CSNK1G2: variants seen among roughly 807,000 people sequenced by gnomAD.
CSNK1G2 encodes casein kinase I isoform gamma-2.
Under a neutral mutation model 48.0 loss-of-function variants are expected in CSNK1G2, and 11 were observed. The observed-to-expected ratio is 0.23, with a 90% CI of 0.14 to 0.38. CSNK1G2 has a LOEUF of 0.38. Ranked by LOEUF, CSNK1G2 falls within the 10% of genes least tolerant of loss-of-function variation. The pLI, the probability that CSNK1G2 is intolerant of heterozygous loss-of-function variation, is 1.00. For missense variants in CSNK1G2, 446 were observed against 595.5 expected, an observed-to-expected ratio of 0.75 and a Z score of 2.61; for synonymous variants, 337 against 254.1, an observed-to-expected ratio of 1.33 and a Z score of -3.10.
chr19:1,972,768 G>A (rs1033122693), intron 2 of CSNK1G2, among the ~76,000 whole-genome samples: 3 of 151,950 alleles, frequency 2.0e-5, no homozygotes, highest in Non-Finnish European at 2.9e-5. Context: ...GATTACAGGC[G>A]TGAGCCACCA....
At chr19:1,943,115 A>G (rs140388319) in intron 1 of CSNK1G2, among the ~76,000 whole-genome samples, 25 of 152,280 alleles carry the variant, frequency 1.6e-4, no homozygotes, top group African/African-American at 5.8e-4. Context: ...GAGGCCAACC[A>G]TGTGTCCTGC....
chr19:1,955,240 C>T (rs1379619240), intron 1 of CSNK1G2, among the ~76,000 whole-genome samples: 1 of 152,116 alleles, frequency 6.6e-6, no homozygotes, highest in Non-Finnish European at 1.5e-5. Flanking sequence ...TGGGCACCCG[C>T]CCTGTGCCCA....
chr19:1,980,443 A>G lies in CSNK1G2; in HGVS notation c.*240A>G, dbSNP rs1474169846. Reference sequence around the variant, plus strand: ...CCTGTGTCTAGTCCTCCCCTCCAAGAGCATTAACTATTTAAAACAAGGAAA... The same window carrying G: ...CCTGTGTCTAGTCCTCCCCTCCAAGGGCATTAACTATTTAAAACAAGGAAA... On this transcript the variant is annotated 3_prime_UTR_variant, in exon 12 of 12. Transcript: ENST00000255641. The G allele has an allele frequency of 5.2e-6, 3 of 581,110 alleles. No individual in the cohort carries two copies. The highest frequency in any genetic ancestry group is 9.2e-6 in the Non-Finnish European group (3 of 325,714). The allele number at this position is 581,110 out of a possible 1,614,324, so 36.0% of individuals were successfully genotyped here.
In CSNK1G2 at chr19:1,969,713, G is replaced by C. The variant is rs1382736721; in HGVS notation, c.-60G>C. On this transcript the variant is annotated 5_prime_UTR_variant, in exon 2 of 12. Transcript: ENST00000255641. Reference sequence around the variant, plus strand: ...GAGGAGCCAAGACCTCAGGTTTCCAGAGACTTGGGATTTGCACGGCAGCAG... The same window carrying C: ...GAGGAGCCAAGACCTCAGGTTTCCACAGACTTGGGATTTGCACGGCAGCAG... The C allele has an allele frequency of 8.1e-7, 1 of 1,232,576 alleles. No individual in the cohort carries two copies. Among genetic ancestry groups the C allele is most frequent in the African/African-American group, 1.6e-5 (1 of 64,328 alleles). The allele number at this position is 1,232,576 out of a possible 1,614,324, so 76.4% of individuals were successfully genotyped here. A position where few individuals can be genotyped will look rare whatever the true frequency, so the allele number is the denominator to read the frequency against.
At chr19:1,977,358 G>A (rs2015793984) in intron 2 of CSNK1G2, among the ~76,000 whole-genome samples, 1 of 152,210 alleles carries the variant, frequency 6.6e-6, no homozygotes. Context: ...CACAGTGGGT[G>A]GGGCCGTGCC....
intron 1 of CSNK1G2, among the ~76,000 whole-genome samples, chr19:1,961,224 C>A (rs1246001259): frequency 1.3e-5 from 2 of 152,336 alleles, no homozygotes; most frequent in East Asian, 3.9e-4. Context: ...GGGGGCTGTT[C>A]CCGTGGCTCT....
Position 1,941,395 on chromosome 19 carries a change from G to C in CSNK1G2, c.-289G>C, listed in dbSNP as rs1281435699. ...GGCCGGCCGCCCAGACGCTGCCCGC[G>C]GGCCCGGCCACGGCGGAGCCAAGGT... is the stretch of plus-strand genomic sequence containing the variant. On this transcript the variant is annotated 5_prime_UTR_variant, in exon 1 of 12. Transcript: ENST00000255641. 2 of 148,740 alleles carry C rather than the reference G, an allele frequency of 1.3e-5. No homozygotes were observed. The highest frequency in any genetic ancestry group is 3.0e-5 in the Non-Finnish European group (2 of 66,626). 9.2% of individuals were successfully genotyped at this position (148,740 alleles called of 1,614,324 possible). A position where few individuals can be genotyped will look rare whatever the true frequency, so the allele number is the denominator to read the frequency against.
rs758494493 is a variant in CSNK1G2, at chr19:1,980,362, A to AC, written c.*164dup. 19 of 840,530 alleles carry AC rather than the reference A, an allele frequency of 2.3e-5. No homozygotes were observed. The highest frequency in any genetic ancestry group is 4.5e-5 in the South Asian group (3 of 66,640). The allele number at this position is 840,530 out of a possible 1,614,324, so 52.1% of individuals were successfully genotyped here. On this transcript the variant is annotated 3_prime_UTR_variant, in exon 12 of 12. Coordinates refer to ENST00000255641, the MANE Select transcript of CSNK1G2 (RefSeq NM_001319.7). Reference sequence around the variant, plus strand: ...GGCCGCGCCTGGCTCAGGCGGCCCCACCCCCGGGACGTGGGGTCACTTCCT... The same window carrying AC: ...GGCCGCGCCTGGCTCAGGCGGCCCCACCCCCCGGGACGTGGGGTCACTTCCT...
intron 1 of CSNK1G2, chr19:1,953,513 T>A (rs1310635736): frequency 1.9e-6 from 1 of 531,856 alleles, no homozygotes; most frequent in Non-Finnish European, 3.9e-6. Flanking sequence ...TAATCTGAAT[T>A]TTGGGAAAAT....
At chr19:1,956,258 C>T (rs903784152) in intron 1 of CSNK1G2, among the ~76,000 whole-genome samples, 3 of 152,208 alleles carry the variant, frequency 2.0e-5, no homozygotes, top group Non-Finnish European at 2.9e-5. Flanking sequence ...GGGCAGCGCT[C>T]ACGTCACAGG....
intron 1 of CSNK1G2, among the ~76,000 whole-genome samples, chr19:1,946,819 G>A (rs1191962369): frequency 2.6e-5 from 4 of 151,602 alleles, no homozygotes; most frequent in African/African-American, 9.7e-5. Flanking sequence ...CACTGTGTTA[G>A]CCAGGATGGT....
intron 1 of CSNK1G2, among the ~76,000 whole-genome samples, chr19:1,963,633 G>C (rs1249804420): frequency 1.3e-5 from 2 of 151,586 alleles, no homozygotes; most frequent in African/African-American, 4.9e-5. Context: ...TCAGCCTCCC[G>C]AGTAGCTGGA....
chr19:1,972,141 G>A (rs776397728), intron 2 of CSNK1G2, among the ~76,000 whole-genome samples: 4 of 152,206 alleles, frequency 2.6e-5, no homozygotes, highest in Non-Finnish European at 5.9e-5. Context: ...TGTGTGCTTC[G>A]CGGGCAGCCG....
intron 2 of CSNK1G2, among the ~76,000 whole-genome samples, chr19:1,973,626 T>TGCG (rs527614950): frequency 6.0e-4 from 91 of 152,352 alleles, no homozygotes; most frequent in African/African-American, 1.7e-3. Flanking sequence ...TGTCAGGCTG[T>TGCG]GCGGCTGCTG....
intron 1 of CSNK1G2, chr19:1,953,156 G>A (rs559435936): frequency 5.4e-6 from 2 of 367,892 alleles, no homozygotes; most frequent in South Asian, 2.0e-5. Flanking sequence ...ACTCGCCCCC[G>A]GGACCTGCCG....
chr19:1,961,089 C>T (rs2015183505), intron 1 of CSNK1G2, among the ~76,000 whole-genome samples: 3 of 152,248 alleles, frequency 2.0e-5, no homozygotes, highest in Non-Finnish European at 2.9e-5. Context: ...TGGTGGTCCT[C>T]TGCGGAAGTC....
rs369755870 is a variant in CSNK1G2, at chr19:1,971,987, T to C, written c.187+2028T>C. 3.3e-5 allele frequency among the ~76,000 whole-genome samples: 5 copies of C among 152,298 alleles called. No individual in the cohort carries two copies. The East Asian group carries it at 7.7e-4, about 23-fold the overall frequency. On this transcript the variant is annotated intron_variant, in intron 2 of 11. Coordinates refer to ENST00000255641, the MANE Select transcript of CSNK1G2 (RefSeq NM_001319.7). ...GGTTTCACTGTGTTAGCCAGGATGG[T>C]CTTGATCTCCTGACCTTGTGATCCA...
In CSNK1G2 at chr19:1,980,059, C is replaced by T. The variant is rs751536506; in HGVS notation, c.1193+42C>T. On this transcript the variant is annotated intron_variant, in intron 11 of 11. Transcript: ENST00000255641. ...GTGCCTTCGGGGAGGTGGGGGTGCC[C>T]TGGGTCCCCATGGGGGTGGGAGGGC... is the stretch of plus-strand genomic sequence containing the variant. 1.7e-5 allele frequency: 27 copies of T among 1,589,014 alleles called. No individual in the cohort carries two copies. In the Admixed American group the frequency reaches 2.8e-4, roughly 17 times the overall value.
intron 1 of CSNK1G2, chr19:1,954,046 C>T (rs1329351285): frequency 1.9e-6 from 1 of 524,548 alleles, no homozygotes; most frequent in Admixed American, 2.0e-5. Flanking sequence ...CCCTGGCGTT[C>T]ACTCCTCAGC....
Sources: allele counts gnomAD v4.1 joint callset (sites outside exome capture counted in the v4.1 genomes callset), GRCh38; gene constraint gnomAD v4.1.1; transcripts MANE v1.5; gene names NCBI Gene and HGNC (gene_info 2026-07-23, HGNC 2026-07-21).